Variants in DICER1 observed in about 807,000 individuals in gnomAD.
DICER1 encodes endoribonuclease Dicer.
DICER1 carries 43 observed loss-of-function variants against 194.1 expected under a neutral mutation model. The observed-to-expected ratio is 0.22, with a 90% CI of 0.17 to 0.29. DICER1 has a LOEUF of 0.29. Ranked by LOEUF, DICER1 falls within the 10% of genes least tolerant of loss-of-function variation. The probability of loss-of-function intolerance (pLI) is 1.00; values close to 1 mark genes in which losing one functional copy is unlikely to be tolerated. For missense variants in DICER1, 1,608 were observed against 2,317.0 expected (o/e 0.69, Z 6.28); for synonymous variants, 832 against 820.5 (o/e 1.01, Z -0.24).
chr14:95,094,822 A>C (rs1345715757), intron 23 of DICER1, among the ~76,000 whole-genome samples: 1 of 152,170 alleles, frequency 6.6e-6, no homozygotes, highest in Non-Finnish European at 1.5e-5. Flanking sequence ...CAACACCTCT[A>C]TTTTCTCACA....
At chr14:95,112,020 A>G (rs1411171678) in intron 13 of DICER1, 152 bp downstream of exon 13, 1 of 708,490 alleles carries the variant, frequency 1.4e-6, no homozygotes, top group East Asian at 2.7e-5. Context: ...TCAAGTTACT[A>G]ACACTTATGT....
chr14:95,094,201 T>C, intron 23 of DICER1, 45 bp from the exon 24 acceptor site: 1 of 1,610,962 alleles, frequency 6.2e-7, no homozygotes, highest in Non-Finnish European at 8.5e-7. Context: ...CAGAAGCATT[T>C]ACACTATCCC....
intron 1 of DICER1, among the ~76,000 whole-genome samples, chr14:95,138,991 A>T (rs1339496810): frequency 3.0e-5 from 1 of 33,508 alleles, no homozygotes; most frequent in East Asian, 3.1e-4. Flanking sequence ...ATAAATAAAA[A>T]AATAAAAAAA....
rs549532374 is a variant in DICER1, at chr14:95,096,032, G to A, written c.4888C>T (p.Arg1630Cys). ...TCCGAGTCTTTCAATACAGAAGAGC[G>A]TGAACTGGCCACAGAAGCAGCAGCA... is the stretch of plus-strand genomic sequence containing the variant. ...SCAAASVASS[R>C]SSVLKDSEYG... The change falls in exon 23 of 27, where the codon CGC (arginine) becomes TGC (cysteine). Residue 1630 changes from arginine to cysteine, a missense_variant. Transcript: ENST00000343455. 1.4e-5 allele frequency: 23 copies of A among 1,614,184 alleles called. No individual in the cohort carries two copies. The highest frequency in any genetic ancestry group is 7.7e-5 in the South Asian group (7 of 91,082).
chr14:95,155,783 A>G (rs1373617597), intron 1 of DICER1, among the ~76,000 whole-genome samples: 1 of 152,248 alleles, frequency 6.6e-6, no homozygotes, highest in Non-Finnish European at 1.5e-5. Context: ...CAATGTTTAT[A>G]GTGACCATGT....
intron 14 of DICER1, 157 bp downstream of exon 14, chr14:95,111,160 C>G (rs1891918084): frequency 1.0e-5 from 8 of 801,670 alleles, no homozygotes; most frequent in Non-Finnish European, 1.7e-5. Context: ...AGAGGCTGAT[C>G]TGAGAGAAGC....
chr14:95,157,166 A>G (rs1242989383), intron 1 of DICER1, 64 bp downstream of exon 1: 2 of 149,462 alleles, frequency 1.3e-5, no homozygotes, highest in Admixed American at 6.7e-5. Flanking sequence ...CGGAGGCGGG[A>G]GCGCGGCCAG....
At chr14:95,110,803 GA>G (rs1485235181) in intron 14 of DICER1, among the ~76,000 whole-genome samples, 3 of 152,116 alleles carry the variant, frequency 2.0e-5, no homozygotes, top group African/African-American at 4.8e-5. Context: ...GATTGAGCTG[GA>G]AACACTCCAT....
intron 14 of DICER1, among the ~76,000 whole-genome samples, chr14:95,109,390 G>C (rs1352312272): frequency 6.6e-6 from 1 of 152,152 alleles, no homozygotes; most frequent in Admixed American, 6.5e-5. Context: ...CAGGATGCCA[G>C]GCAGTACTAT....
chr14:95,145,959 C>T lies in DICER1; in HGVS notation c.-46+11271G>A, dbSNP rs186916823. Reference sequence around the variant, plus strand: ...TTTATAAGAGCAAAGAAACACTCCCCGCCACCAATTTACATGTCTAACAAT... The same window carrying T: ...TTTATAAGAGCAAAGAAACACTCCCTGCCACCAATTTACATGTCTAACAAT... On this transcript the variant is annotated intron_variant, in intron 1 of 26. Coordinates refer to ENST00000343455, the MANE Select transcript of DICER1 (RefSeq NM_177438.3). 5.2e-3 allele frequency among the ~76,000 whole-genome samples: 795 copies of T among 152,264 alleles called. 4 individuals are homozygous for T. Among genetic ancestry groups the T allele is most frequent in the Non-Finnish European group, 8.0e-3 (544 of 68,026 alleles).
At position 95,099,950 on chromosome 14, in the gene DICER1, A is replaced by G; in HGVS notation, c.4051-15T>C. ...CAGTTGCTGACCTTTAGCAGAAAAT[A>G]TTAGGATACTTATCCATAAATGATC... On this transcript the variant is annotated splice_polypyrimidine_tract_variant and intron_variant, in intron 21 of 26. Coordinates refer to ENST00000343455, the MANE Select transcript of DICER1 (RefSeq NM_177438.3). The G allele has an allele frequency of 1.9e-6, 3 of 1,613,808 alleles. 1 individual carries two copies. The highest frequency in any genetic ancestry group is 3.3e-4 in the Middle Eastern group (2 of 6,050).
In DICER1 at chr14:95,132,642, G is replaced by A. The variant is rs569451472; in HGVS notation, c.180C>T (p.Thr60=). 3.1e-6 allele frequency: 5 copies of A among 1,613,778 alleles called. No individual in the cohort carries two copies. The highest frequency in any genetic ancestry group is 4.2e-6 in the Non-Finnish European group (5 of 1,179,932). The stretch of plus-strand genomic sequence containing the variant: ...CTGAGCCAGTGTTTAAACAGACGAT[G>A]GTATTATGATCCAGAGCTGCTTCAA... ...ELLEAALDHN[T]IVCLNTGSGK... is the part of the protein sequence containing the mutation. The change falls in exon 3 of 27, where the codon ACC becomes ACT. Residue 60 remains threonine (T), a synonymous_variant. Coordinates refer to ENST00000343455, the MANE Select transcript of DICER1 (RefSeq NM_177438.3).
At chr14:95,154,550 TA>T (rs1895718367) in intron 1 of DICER1, among the ~76,000 whole-genome samples, 1 of 152,188 alleles carries the variant, frequency 6.6e-6, no homozygotes, top group Non-Finnish European at 1.5e-5. Flanking sequence ...TTCTGACATC[TA>T]AATCATCACA....
rs1296798488 is a variant in DICER1 at position 95,093,952 on chromosome 14, T to C, written c.5300A>G (p.His1767Arg). Reference sequence around the variant, plus strand: ...AAACTGCACAAAGTCATCAATGACATGGAAGAGCTCAGGAGAGACAGCTTT... The same window carrying C: ...AAACTGCACAAAGTCATCAATGACACGGAAGAGCTCAGGAGAGACAGCTTT... ...YFKAVSPELF[H>R]VIDDFVQFQL... Residue 1767 changes from histidine to arginine, a missense_variant, in exon 24 of 27, where the codon CAT (histidine) becomes CGT (arginine). Physicochemically the swap from His to Arg is conservative, Grantham distance 29. Transcript: ENST00000343455. The C allele has an allele frequency of 6.2e-7, 1 of 1,614,062 alleles. No homozygotes were observed. The highest frequency in any genetic ancestry group is 8.5e-7 in the Non-Finnish European group (1 of 1,180,028).
At chr14:95,120,976 A>G (rs1259167697) in intron 8 of DICER1, among the ~76,000 whole-genome samples, 3 of 152,208 alleles carry the variant, frequency 2.0e-5, no homozygotes, top group Admixed American at 6.5e-5. Context: ...GACAAACACT[A>G]TCACAATCCA....
chr14:95,096,073 T>C lies in DICER1; in HGVS notation c.4847A>G (p.Asn1616Ser), dbSNP rs1257498722. 1 of 1,614,002 alleles carries C rather than the reference T, an allele frequency of 6.2e-7. No individual in the cohort carries two copies. Among genetic ancestry groups the C allele is most frequent in the Admixed American group, 1.7e-5 (1 of 60,000 alleles). Residue 1616 changes from asparagine to serine, a missense_variant, in exon 23 of 27, where the codon AAC becomes AGC. Physicochemically the swap from Asn to Ser is conservative, Grantham distance 46. Around this residue, in one of 10 missense-constraint regions of DICER1, gnomAD observed 125 missense variants for 134.9 expected, o/e 0.93. Coordinates refer to ENST00000343455, the MANE Select transcript of DICER1 (RefSeq NM_177438.3). The part of the protein sequence containing the change: ...TRENFNSQQK[N>S]LSVSCAAASV... ...AGCAGCAGCACAGCTCACTGAAAGG[T>C]TCTTTTGTTGGCTGTTGAAATTCTC...
chr14:95,098,683 T>A (rs1290878827), intron 22 of DICER1, among the ~76,000 whole-genome samples: 1 of 152,182 alleles, frequency 6.6e-6, no homozygotes, highest in East Asian at 1.9e-4. Flanking sequence ...AGAAATACCA[T>A]ACCATTTCTA....
rs1889654220 is a variant in DICER1, at chr14:95,090,120, G to A, written c.*378C>T. 2 of 389,462 alleles carry A rather than the reference G, an allele frequency of 5.1e-6. No homozygotes were observed. Among genetic ancestry groups the A allele is most frequent in the Non-Finnish European group, 9.5e-6 (2 of 211,152 alleles). 24.1% of individuals were successfully genotyped at this position (389,462 alleles called of 1,614,324 possible). On this transcript the variant is annotated 3_prime_UTR_variant, in exon 27 of 27. Coordinates refer to ENST00000343455, the MANE Select transcript of DICER1 (RefSeq NM_177438.3). ...AATCTACATCATCCTAGGGACTGCTGGAGGTTTAAGCTCCATGGCCTTCTA... is the reference window on the plus strand; with the variant it reads ...AATCTACATCATCCTAGGGACTGCTAGAGGTTTAAGCTCCATGGCCTTCTA...
intron 1 of DICER1, among the ~76,000 whole-genome samples, chr14:95,139,023 A>G (rs1269842926): frequency 6.6e-6 from 1 of 150,552 alleles, no homozygotes; most frequent in African/African-American, 2.4e-5. Context: ...ATGCTATCCT[A>G]TTGCTGCCTC....
Sources: allele counts gnomAD v4.1 joint callset (sites outside exome capture counted in the v4.1 genomes callset), GRCh38; gene constraint gnomAD v4.1.1; regional missense constraint gnomAD v4.1.1; transcripts MANE v1.5; gene names NCBI Gene and HGNC (gene_info 2026-07-23, HGNC 2026-07-21).